LY75: variants seen among roughly 807,000 people sequenced by gnomAD.
LY75 encodes C-type lectin domain family 13 member B.
Under a neutral mutation model 231.7 loss-of-function variants are expected in LY75, and 185 were observed. That is an observed-to-expected ratio of 0.80 (90% CI 0.71 to 0.90). The LOEUF is 0.90. Among genes scored for constraint, LY75 ranks in the 40% least tolerant of loss-of-function variants. The pLI is 0.00. For missense variants in LY75, 1,947 were observed against 2,050.2 expected, an observed-to-expected ratio of 0.95 and a Z score of 0.97; for synonymous variants, 668 against 689.0, an observed-to-expected ratio of 0.97 and a Z score of 0.48.
Position 159,869,979 on chromosome 2 carries a change from A to C in LY75, c.2117+2472T>G, listed in dbSNP as rs141559390. Among the ~76,000 whole-genome samples the C allele has an allele frequency of 5.3e-3, 803 of 152,300 alleles. 6 individuals carry two copies. Among genetic ancestry groups the C allele is most frequent in the African/African-American group, 0.018 (754 of 41,556 alleles). ...AATTGCCTTGGGTCAGTCTGCAGTG[A>C]AATTTTGTATATTAATTTCTAACAC... On this transcript the variant is annotated intron_variant, in intron 13 of 34. Transcript: ENST00000263636.
At chr2:159,818,118 T>C (rs1457638467) in intron 29 of LY75, among the ~76,000 whole-genome samples, 2 of 152,090 alleles carry the variant, frequency 1.3e-5, no homozygotes, top group African/African-American at 2.4e-5. Flanking sequence ...AAATATCCTG[T>C]GCAGAAGAAT....
At chr2:159,875,718 T>G (rs1574582368) in intron 11 of LY75, 75 bp from the exon 12 acceptor site, 3 of 1,558,118 alleles carry the variant, frequency 1.9e-6, no homozygotes, top group Non-Finnish European at 2.6e-6. Flanking sequence ...TTCTACTCTT[T>G]ACTTCAGCCA....
chr2:159,836,590 G>T (rs1683836002), intron 25 of LY75, among the ~76,000 whole-genome samples: 1 of 152,188 alleles, frequency 6.6e-6, no homozygotes, highest in East Asian at 1.9e-4. Flanking sequence ...TGAGTCCCAA[G>T]ACAATCTGCA....
intron 1 of LY75, 61 bp downstream of exon 1, chr2:159,904,528 G>A: frequency 6.2e-6 from 9 of 1,460,368 alleles, no homozygotes; most frequent in Non-Finnish European, 8.1e-6. Flanking sequence ...AGGCTGGAAG[G>A]CAGCAGAGCT....
Position 159,854,886 on chromosome 2 carries a change from TC to T in LY75, c.2419+17del. On this transcript the variant is annotated intron_variant, in intron 17 of 34. Transcript: ENST00000263636. ...AGGTAAAAGCAGCTTTGGTTAAATT[TC>T]AGTTTTCTTAACTCACCTGGATTGT... 1 of 1,613,448 alleles carries T rather than the reference TC, an allele frequency of 6.2e-7. No individual in the cohort carries two copies. The highest frequency in any genetic ancestry group is 8.5e-7 in the Non-Finnish European group (1 of 1,179,670).
chr2:159,898,902 A>G lies in LY75; in HGVS notation c.252T>C (p.Leu84=), dbSNP rs1685983732. The G allele has an allele frequency of 6.2e-7, 1 of 1,614,128 alleles. No homozygotes were observed. Among genetic ancestry groups the G allele is most frequent in the Admixed American group, 1.7e-5 (1 of 60,004 alleles). Residue 84 remains leucine, a synonymous_variant, in exon 2 of 35, where the codon CTT becomes CTC. Coordinates refer to ENST00000263636, the MANE Select transcript of LY75 (RefSeq NM_002349.4). ...TTACCGATTTGGTAATATCGAGGCC[A>G]AGGCACTTTTGGGAGTGCAAATGAA... ...RLFHLHSQKC[L]GLDITKSVNE... is the part of the protein sequence containing the mutation.
intron 27 of LY75, 132 bp downstream of exon 27, chr2:159,833,912 C>A (rs1157830495): frequency 2.0e-5 from 20 of 1,009,200 alleles, no homozygotes; most frequent in Non-Finnish European, 2.6e-5. Context: ...TCTCCTTTGC[C>A]TTCTGCCATG....
chr2:159,900,743 C>A (rs959669790), intron 1 of LY75, among the ~76,000 whole-genome samples: 8 of 152,192 alleles, frequency 5.3e-5, no homozygotes, highest in African/African-American at 1.9e-4. Context: ...ACAACAGCAA[C>A]AACAATCCTT....
rs1371427340 is a variant in LY75 at position 159,847,125 on chromosome 2, C to T, written c.3150+2855G>A. ...CTCCCAGGTTCAAGCCATTCTCCTG[C>T]CTCAGCCTCCTGAATAGCTGGGAGT... On this transcript the variant is annotated intron_variant, in intron 23 of 34. Coordinates refer to ENST00000263636, the MANE Select transcript of LY75 (RefSeq NM_002349.4). Among the ~76,000 whole-genome samples the T allele has an allele frequency of 3.9e-5, 6 of 152,136 alleles. No homozygotes were observed. In the East Asian group the frequency reaches 1.2e-3, roughly 29 times the overall value.
At chr2:159,821,996 G>T (rs920989513) in intron 28 of LY75, among the ~76,000 whole-genome samples, 1 of 152,174 alleles carries the variant, frequency 6.6e-6, no homozygotes, top group East Asian at 1.9e-4. Flanking sequence ...AGGAACTCTG[G>T]CACAGATAGT....
At chr2:159,885,395 A>T in intron 5 of LY75, 102 bp from the exon 6 acceptor site, 2 of 1,451,042 alleles carry the variant, frequency 1.4e-6, no homozygotes, top group Non-Finnish European at 1.8e-6. Context: ...TTTTATGGGA[A>T]CTCATATTAT....
chr2:159,892,667 T>C (rs1685795739), intron 3 of LY75, among the ~76,000 whole-genome samples: 1 of 152,216 alleles, frequency 6.6e-6, no homozygotes, highest in South Asian at 2.1e-4. Context: ...ACCTATCACA[T>C]GTCAGGTACC....
intron 8 of LY75, among the ~76,000 whole-genome samples, chr2:159,880,377 G>A (rs1253502877): frequency 1.3e-5 from 2 of 152,192 alleles, no homozygotes; most frequent in African/African-American, 2.4e-5. Context: ...ACTTCTCAAA[G>A]TAGTATCGAT....
rs1047043506 is a variant in LY75 at position 159,808,315 on chromosome 2, C to T, written c.4822+134G>A. 5 of 1,484,104 alleles carry T rather than the reference C, an allele frequency of 3.4e-6. No individual in the cohort carries two copies. The East Asian group carries it at 9.4e-5, about 28-fold the overall frequency. The allele number at this position is 1,484,104 out of a possible 1,614,324, so 91.9% of individuals were successfully genotyped here. ...AAAATTTATAACCATCCAGAACAGC[C>T]AGCGACCTAGCTTATTTATCCAGAA... On this transcript the variant is annotated intron_variant, in intron 33 of 34. Transcript: ENST00000263636.
chr2:159,809,708 T>C (rs1282126746), intron 32 of LY75, among the ~76,000 whole-genome samples: 1 of 151,920 alleles, frequency 6.6e-6, no homozygotes, highest in African/African-American at 2.4e-5. Context: ...GATGGAGTCT[T>C]GCTCTGTCGC....
In LY75 at chr2:159,810,438, A is replaced by G. The variant is rs1032756115; in HGVS notation, c.4699+88T>C. On this transcript the variant is annotated intron_variant, in intron 32 of 34. Coordinates refer to ENST00000263636, the MANE Select transcript of LY75 (RefSeq NM_002349.4). ...GGAAAGTGCTTTAAAAATATTTTCA[A>G]AAATACAATCATTGCTTCAAATTAT... The G allele has an allele frequency of 1.0e-5, 16 of 1,528,432 alleles. No homozygotes were observed. In the South Asian group the frequency reaches 2.0e-4, roughly 19 times the overall value. 94.7% of individuals were successfully genotyped at this position (1,528,432 alleles called of 1,614,324 possible). A position where few individuals can be genotyped will look rare whatever the true frequency, so the allele number is the denominator to read the frequency against.
At position 159,842,373 on chromosome 2, in the gene LY75, A is replaced by C; in HGVS notation, c.3152T>G (p.Phe1051Cys). ...VSGRLRIPENFFEEESRYHCA... is the reference protein window; with the variant it reads ...VSGRLRIPENCFEEESRYHCA... Reference sequence around the variant, plus strand: ...GTGGTAGCGAGACTCTTCCTCAAAAAACTAAACAAAAAGGCAAATACATAC... The same window carrying C: ...GTGGTAGCGAGACTCTTCCTCAAAACACTAAACAAAAAGGCAAATACATAC... Residue 1051 changes from phenylalanine (F) to cysteine (C), a missense_variant and splice_region_variant, in exon 24 of 35, where the codon TTT becomes TGT. Phe to Cys is a radical substitution (Grantham distance 205, BLOSUM62 -2). Transcript: ENST00000263636. 1 of 1,607,356 alleles carries C rather than the reference A, an allele frequency of 6.2e-7. No homozygotes were observed. The highest frequency in any genetic ancestry group is 1.1e-5 in the South Asian group (1 of 90,654).
chr2:159,854,759 T>C, intron 17 of LY75, 145 bp downstream of exon 17: 2 of 1,262,436 alleles, frequency 1.6e-6, no homozygotes, highest in South Asian at 1.5e-5. Context: ...CCTCATCCCA[T>C]ACCAGTCGCT....
chr2:159,864,332 C>T (rs540335038), intron 14 of LY75, among the ~76,000 whole-genome samples: 1 of 152,174 alleles, frequency 6.6e-6, no homozygotes, highest in East Asian at 1.9e-4. Flanking sequence ...TGTCATGGAG[C>T]TTTCCCCCTG....
Sources: gnomAD v4.1 joint callset for allele counts (sites outside exome capture counted in the v4.1 genomes callset) on GRCh38, gnomAD v4.1.1 for gene constraint, MANE v1.5 for transcripts, NCBI Gene and HGNC (gene_info 2026-07-23, HGNC 2026-07-21) for gene names.